MYO3B: variants seen among roughly 807,000 people sequenced by gnomAD.
The protein encoded by MYO3B is myosin-IIIb.
A neutral mutation model predicts 174.6 loss-of-function variants in MYO3B; 156 were observed. The ratio of observed to expected loss-of-function variants is 0.89; its 90% CI spans 0.78 to 1.02. MYO3B has a LOEUF of 1.02. MYO3B is among the 50% of genes least tolerant of loss of function. The pLI, the probability that MYO3B is intolerant of heterozygous loss-of-function variation, is 0.00. For synonymous variants in MYO3B, 563 were observed against 569.1 expected, an observed-to-expected ratio of 0.99 and a Z score of 0.15; for missense variants, 1,632 against 1,639.4, an observed-to-expected ratio of 1.00 and a Z score of 0.08.
chr2:170,393,957 C>T (rs769607337), intron 16 of MYO3B, among the ~76,000 whole-genome samples: 1 of 151,932 alleles, frequency 6.6e-6, no homozygotes, highest in African/African-American at 2.4e-5. Context: ...AAGATGCATC[C>T]CCAGAAGAGT....
chr2:170,346,730 T>G (rs2094019257), intron 8 of MYO3B, among the ~76,000 whole-genome samples: 1 of 152,334 alleles, frequency 6.6e-6, no homozygotes, highest in African/African-American at 2.4e-5. Context: ...AAATATATAC[T>G]GTACATTAAG....
intron 32 of MYO3B, among the ~76,000 whole-genome samples, chr2:170,594,066 C>T (rs570906965): frequency 1.3e-5 from 2 of 152,176 alleles, no homozygotes; most frequent in East Asian, 1.9e-4. Context: ...CTGATGGGGC[C>T]GTCAGGCATA....
At chr2:170,273,185 T>C (rs1220177210) in intron 7 of MYO3B, among the ~76,000 whole-genome samples, 1 of 152,088 alleles carries the variant, frequency 6.6e-6, no homozygotes, top group East Asian at 1.9e-4. Flanking sequence ...CTCTGAGCAA[T>C]CTATAGTCTG....
chr2:170,284,593 A>G (rs1381863456), intron 7 of MYO3B, among the ~76,000 whole-genome samples: 2 of 152,174 alleles, frequency 1.3e-5, no homozygotes, highest in African/African-American at 2.4e-5. Context: ...GGAAAATATA[A>G]AAGAATGTAT....
At chr2:170,363,584 G>A (rs1264851119) in intron 8 of MYO3B, among the ~76,000 whole-genome samples, 1 of 152,182 alleles carries the variant, frequency 6.6e-6, no homozygotes, top group Non-Finnish European at 1.5e-5. Flanking sequence ...AGCCAGACTG[G>A]GAGATTGCTG....
chr2:170,446,014 A>T (rs1036176485), intron 23 of MYO3B, among the ~76,000 whole-genome samples: 6 of 152,172 alleles, frequency 3.9e-5, no homozygotes, highest in African/African-American at 1.4e-4. Flanking sequence ...TGCAAAAAAA[A>T]AATGTGGTAC....
chr2:170,549,875 C>A (rs1575150363), intron 32 of MYO3B, among the ~76,000 whole-genome samples: 1 of 152,208 alleles, frequency 6.6e-6, no homozygotes, highest in Non-Finnish European at 1.5e-5. Context: ...GGAGCGCAAG[C>A]AGCTTGCCAG....
At chr2:170,311,263 C>A (rs1488877110) in intron 7 of MYO3B, among the ~76,000 whole-genome samples, 2 of 152,046 alleles carry the variant, frequency 1.3e-5, no homozygotes, top group Non-Finnish European at 2.9e-5. Flanking sequence ...CAGATTTCTC[C>A]ACATTTGCTC....
At chr2:170,441,945 A>G (rs1393126630) in intron 22 of MYO3B, among the ~76,000 whole-genome samples, 1 of 152,160 alleles carries the variant, frequency 6.6e-6, no homozygotes, top group Non-Finnish European at 1.5e-5. Flanking sequence ...AAGAATGCCT[A>G]ACCTCCTGGG....
chr2:170,607,864 G>C, intron 32 of MYO3B, among the ~76,000 whole-genome samples: 1 of 152,146 alleles, frequency 6.6e-6, no homozygotes, highest in Non-Finnish European at 1.5e-5. Context: ...CTAGGTAAAG[G>C]AACAAAGCTT....
chr2:170,530,289 A>G (rs1341675658), intron 30 of MYO3B, among the ~76,000 whole-genome samples: 2 of 152,104 alleles, frequency 1.3e-5, no homozygotes, highest in Non-Finnish European at 2.9e-5. Context: ...CCCTGATACC[A>G]AAATTCTAAT....
chr2:170,621,595 C>T (rs1300841280), intron 32 of MYO3B, among the ~76,000 whole-genome samples: 5 of 151,620 alleles, frequency 3.3e-5, no homozygotes, highest in African/African-American at 4.9e-5. Flanking sequence ...GTGCAACCTC[C>T]GCCTCCCAGG....
At chr2:170,617,953 G>A (rs752830501) in intron 32 of MYO3B, among the ~76,000 whole-genome samples, 37 of 152,294 alleles carry the variant, frequency 2.4e-4, no homozygotes, top group Non-Finnish European at 4.3e-4. Context: ...ATTGGGATGT[G>A]TGAATATAAT....
chr2:170,293,026 C>T (rs2093605878), intron 7 of MYO3B, among the ~76,000 whole-genome samples: 1 of 152,108 alleles, frequency 6.6e-6, no homozygotes, highest in Non-Finnish European at 1.5e-5. Flanking sequence ...ACACTTGTTG[C>T]AGGGCACCAT....
intron 28 of MYO3B, among the ~76,000 whole-genome samples, chr2:170,509,844 T>C (rs953273577): frequency 6.6e-6 from 1 of 152,214 alleles, no homozygotes; most frequent in African/African-American, 2.4e-5. Context: ...CTTTCAGATG[T>C]CTGAAGAGTT....
chr2:170,264,873 G>A (rs2093371291), intron 7 of MYO3B, among the ~76,000 whole-genome samples: 5 of 152,314 alleles, frequency 3.3e-5, no homozygotes, highest in Admixed American at 6.5e-5. Flanking sequence ...CAAAAGTTAA[G>A]TTGTAAGTGG....
chr2:170,627,764 T>TAAC (rs761268195), intron 32 of MYO3B, among the ~76,000 whole-genome samples: 1 of 151,896 alleles, frequency 6.6e-6, no homozygotes, highest in African/African-American at 2.4e-5. Flanking sequence ...GTTTTCCTTC[T>TAAC]AACAGTCAGG....
chr2:170,430,338 T>C (rs1332378403), intron 22 of MYO3B, among the ~76,000 whole-genome samples: 2 of 151,358 alleles, frequency 1.3e-5, no homozygotes, highest in African/African-American at 4.9e-5. Flanking sequence ...TTCCCATCAA[T>C]AGAATCATTC....
intron 8 of MYO3B, among the ~76,000 whole-genome samples, chr2:170,359,911 G>A (rs2094148585): frequency 6.6e-6 from 1 of 152,094 alleles, no homozygotes; most frequent in African/African-American, 2.4e-5. Context: ...GGCATTTGCT[G>A]TGGCACCATT....
Sources: gnomAD v4.1 joint callset for allele counts (sites outside exome capture counted in the v4.1 genomes callset) on GRCh38, gnomAD v4.1.1 for gene constraint, MANE v1.5 for transcripts, NCBI Gene and HGNC (gene_info 2026-07-23, HGNC 2026-07-21) for gene names.